The following SGCD variants were observed in gnomAD, a reference collection of about 807,000 sequenced individuals.
SGCD encodes the protein delta-sarcoglycan.
A neutral mutation model predicts 36.6 loss-of-function variants in SGCD; 18 were observed. The observed-to-expected ratio is 0.49, with a 90% CI of 0.34 to 0.73. The LOEUF is 0.73. Ranked by LOEUF, SGCD falls within the 30% of genes least tolerant of loss-of-function variation. The pLI is 0.01. For synonymous variants in SGCD, 133 were observed against 130.6 expected, an observed-to-expected ratio of 1.02 and a Z score of -0.12; for missense variants, 387 against 346.7, an observed-to-expected ratio of 1.12 and a Z score of -0.92.
At chr5:156,191,071 A>G (rs1276141664) in intron 3 of SGCD, among the ~76,000 whole-genome samples, 1 of 152,190 alleles carries the variant, frequency 6.6e-6, no homozygotes, top group Non-Finnish European at 1.5e-5. Flanking sequence ...TCAGGCCATT[A>G]TACTGAAATT....
At position 155,896,607 on chromosome 5, in the gene SGCD, A is replaced by G. The variant is rs111646295; in HGVS notation, c.-282+26183A>G. Among the ~76,000 whole-genome samples the G allele has an allele frequency of 6.6e-4, 101 of 151,990 alleles. 2 individuals carry two copies. The highest frequency in any genetic ancestry group is 2.3e-3 in the African/African-American group (96 of 41,492). On this transcript the variant is annotated intron_variant, in intron 1 of 9. Coordinates refer to the SGCD transcript ENST00000517913. Reference sequence around the variant, plus strand: ...GCTGCAGTGACTTGTAATCATGCCAATGCAATCCAGCCTGGGTGACAGAGA... The same window carrying G: ...GCTGCAGTGACTTGTAATCATGCCAGTGCAATCCAGCCTGGGTGACAGAGA...
At chr5:156,410,860 G>T (rs186760960) in intron 3 of SGCD, among the ~76,000 whole-genome samples, 2 of 151,714 alleles carry the variant, frequency 1.3e-5, no homozygotes, top group Admixed American at 6.6e-5. Flanking sequence ...CTCTTTTCTG[G>T]AATCCTAATC....
intron 4 of SGCD, among the ~76,000 whole-genome samples, chr5:156,518,005 T>A (rs571146603): frequency 6.6e-6 from 1 of 152,282 alleles, no homozygotes; most frequent in East Asian, 1.9e-4. Flanking sequence ...TAACTCTAAA[T>A]GTAAATGGGC....
chr5:156,194,962 G>C (rs1212532103), intron 3 of SGCD, among the ~76,000 whole-genome samples: 1 of 152,012 alleles, frequency 6.6e-6, no homozygotes, highest in Non-Finnish European at 1.5e-5. Flanking sequence ...TGGCATTGGT[G>C]ATGATGATGA....
intron 6 of SGCD, among the ~76,000 whole-genome samples, chr5:156,608,006 A>C (rs1479237446): frequency 6.6e-6 from 1 of 152,134 alleles, no homozygotes; most frequent in Non-Finnish European, 1.5e-5. Flanking sequence ...TCCTGGATTC[A>C]TTGAGCTTTT....
At chr5:156,196,021 C>T (rs1409461611) in intron 3 of SGCD, among the ~76,000 whole-genome samples, 2 of 152,124 alleles carry the variant, frequency 1.3e-5, no homozygotes, top group Non-Finnish European at 2.9e-5. Flanking sequence ...CCAGCATCAT[C>T]CAAGGAGGGC....
At chr5:155,810,005 T>C in the SGCD span, among the ~76,000 whole-genome samples, 1 of 152,228 alleles carries the variant, frequency 6.6e-6, no homozygotes, top group East Asian at 1.9e-4. Context: ...TCTCCTCATC[T>C]GCTCCTTTCC....
chr5:156,752,691 C>A (rs1757194722), intron 7 of SGCD, among the ~76,000 whole-genome samples: 1 of 152,110 alleles, frequency 6.6e-6, no homozygotes, highest in African/African-American at 2.4e-5. Context: ...ACCGTGCCGG[C>A]CAGCATTATC....
intron 1 of SGCD, among the ~76,000 whole-genome samples, chr5:156,060,009 C>T (rs1192087098): frequency 6.8e-6 from 1 of 146,588 alleles, no homozygotes; most frequent in East Asian, 1.9e-4. Context: ...CTGTTCAGGT[C>T]AAATATTCTC....
intron 3 of SGCD, among the ~76,000 whole-genome samples, chr5:156,423,278 TATTATATTTTATTATAATATAA>T (rs1773458874): frequency 1.9e-5 from 2 of 102,702 alleles, no homozygotes; most frequent in Non-Finnish European, 1.8e-5. Context: ...TATAACATTA[TATTATATTTTATTATAATATAA>T]TATATTTTAT....
At chr5:156,062,552 G>C (rs1388854290) in intron 1 of SGCD, among the ~76,000 whole-genome samples, 4 of 105,906 alleles carry the variant, frequency 3.8e-5, no homozygotes, top group Non-Finnish European at 7.6e-5. Context: ...CCCACCAACA[G>C]TGTAAAAGTG....
intron 3 of SGCD, among the ~76,000 whole-genome samples, chr5:156,221,790 A>G (rs933896123): frequency 2.6e-5 from 4 of 152,064 alleles, no homozygotes; most frequent in Non-Finnish European, 5.9e-5. Flanking sequence ...AATATACATT[A>G]CTTGTAACCC....
Position 156,404,086 on chromosome 5 carries a change from C to T in SGCD, c.192+59409C>T, listed in dbSNP as rs532705846. On this transcript the variant is annotated intron_variant, in intron 3 of 8. Transcript: ENST00000337851. ...CTGACCTCAAATGATCACCTCACCT[C>T]AGCCTCCCAGAGTGCTAGAATTACA... Among the ~76,000 whole-genome samples the T allele has an allele frequency of 3.3e-5, 5 of 152,300 alleles. No homozygotes were observed. The East Asian group carries it at 9.7e-4, about 29-fold the overall frequency.
intron 1 of SGCD, among the ~76,000 whole-genome samples, chr5:155,970,515 C>A (rs1757987338): frequency 6.6e-6 from 1 of 152,070 alleles, no homozygotes; most frequent in Admixed American, 6.6e-5. Context: ...AGTGAAGAGT[C>A]CCAGACAACA....
intron 7 of SGCD, among the ~76,000 whole-genome samples, chr5:156,689,727 G>A (rs765664457): frequency 1.2e-4 from 19 of 152,110 alleles, no homozygotes; most frequent in Non-Finnish European, 2.1e-4. Flanking sequence ...ACAGGTAGGA[G>A]GCTCTGAACA....
At chr5:155,835,091 T>G in the SGCD span, among the ~76,000 whole-genome samples, 1 of 136,980 alleles carries the variant, frequency 7.3e-6, no homozygotes, top group African/African-American at 2.7e-5. Context: ...CAACGCAATC[T>G]CCGCCTCCCA....
chr5:155,963,470 C>T (rs1170854669), intron 1 of SGCD, among the ~76,000 whole-genome samples: 1 of 152,052 alleles, frequency 6.6e-6, no homozygotes, highest in East Asian at 1.9e-4. Flanking sequence ...TTGAGAGTTA[C>T]TCTCACTGGC....
At chr5:155,772,390 G>A in the SGCD span, among the ~76,000 whole-genome samples, 1 of 152,166 alleles carries the variant, frequency 6.6e-6, no homozygotes, top group Admixed American at 6.5e-5. Flanking sequence ...TCTCAGGAGG[G>A]ACAGTCTGGC....
intron 1 of SGCD, among the ~76,000 whole-genome samples, chr5:156,080,763 C>T (rs1760928713): frequency 6.6e-6 from 1 of 152,212 alleles, no homozygotes; most frequent in African/African-American, 2.4e-5. Flanking sequence ...ACCTCATCAG[C>T]CTGGTTTTCA....
Sources: gnomAD v4.1 joint callset for allele counts (sites outside exome capture counted in the v4.1 genomes callset) on GRCh38, gnomAD v4.1.1 for gene constraint, MANE v1.5 for transcripts, NCBI Gene and HGNC (gene_info 2026-07-23, HGNC 2026-07-21) for gene names.